KIAA0825: variants seen among roughly 807,000 people sequenced by gnomAD.
KIAA0825 encodes KIAA0825.
A neutral mutation model predicts 147.6 loss-of-function variants in KIAA0825; 119 were observed. The ratio of observed to expected loss-of-function variants is 0.81; its 90% confidence interval spans 0.69 to 0.94. The LOEUF (loss-of-function observed/expected upper bound fraction) is 0.94. Ranked by LOEUF, KIAA0825 falls within the 40% of genes least tolerant of loss-of-function variation. The pLI, the probability that KIAA0825 is intolerant of heterozygous loss-of-function variation, is 0.00. For synonymous variants in KIAA0825, 470 were observed against 518.1 expected (o/e 0.91, Z 1.26); for missense variants, 1,381 against 1,472.7 (o/e 0.94, Z 1.02).
chr5:94,343,426 C>T (rs187553360), intron 20 of KIAA0825, among the ~76,000 whole-genome samples: 27 of 152,252 alleles, frequency 1.8e-4, no homozygotes, highest in Admixed American at 1.7e-3. Context: ...TGTGGTGGCT[C>T]ACACCTGTAA....
intron 2 of KIAA0825, among the ~76,000 whole-genome samples, chr5:94,537,952 C>T (rs533524318): frequency 7.7e-4 from 117 of 152,264 alleles, no homozygotes; most frequent in African/African-American, 2.7e-3. Flanking sequence ...AGCATGGATA[C>T]CTAACTAAAA....
intron 12 of KIAA0825, among the ~76,000 whole-genome samples, chr5:94,457,853 T>C (rs1443737021): frequency 6.6e-6 from 1 of 152,146 alleles, no homozygotes; most frequent in African/African-American, 2.4e-5. Context: ...TAAACCTCCA[T>C]GACTAAATTA....
chr5:94,406,792 T>G (rs2150648114), intron 15 of KIAA0825, among the ~76,000 whole-genome samples: 1 of 152,294 alleles, frequency 6.6e-6, no homozygotes, highest in East Asian at 1.9e-4. Flanking sequence ...GCCATGGTAG[T>G]TATAAAAGCC....
intron 6 of KIAA0825, among the ~76,000 whole-genome samples, chr5:94,484,455 C>A (rs1207641360): frequency 1.3e-5 from 2 of 151,728 alleles, no homozygotes; most frequent in African/African-American, 2.4e-5. Flanking sequence ...AGATACTAGA[C>A]CACCCAGTCT....
At chr5:94,321,378 A>G (rs1780185210) in intron 20 of KIAA0825, among the ~76,000 whole-genome samples, 1 of 152,024 alleles carries the variant, frequency 6.6e-6, no homozygotes, top group Non-Finnish European at 1.5e-5. Context: ...TAAAGTGATT[A>G]CTTTGGGCCA....
At chr5:94,368,659 T>C (rs1386370237) in intron 20 of KIAA0825, among the ~76,000 whole-genome samples, 2 of 152,138 alleles carry the variant, frequency 1.3e-5, no homozygotes, top group African/African-American at 4.8e-5. Context: ...GTGTGAGAAA[T>C]GTTTAGAGGA....
rs182202586 is a variant in KIAA0825 at position 94,502,060 on chromosome 5, G to C, written c.971-17130C>G. 3.9e-5 allele frequency among the ~76,000 whole-genome samples: 6 copies of C among 152,288 alleles called. No individual in the cohort carries two copies. In the East Asian group the frequency reaches 9.6e-4, roughly 24 times the overall value. Reference sequence around the variant, plus strand: ...GGAATCTGTAGAATGTACATGTACAGTATGTGCATTATTGTGTAAGGGTAC... The same window carrying C: ...GGAATCTGTAGAATGTACATGTACACTATGTGCATTATTGTGTAAGGGTAC... On this transcript the variant is annotated intron_variant, in intron 5 of 20. Coordinates refer to ENST00000682413, the MANE Select transcript of KIAA0825 (RefSeq NM_001145678.3).
At chr5:94,464,615 T>C (rs919707725) in intron 11 of KIAA0825, among the ~76,000 whole-genome samples, 3 of 152,170 alleles carry the variant, frequency 2.0e-5, no homozygotes, top group Admixed American at 6.5e-5. Context: ...TCCTAGATTA[T>C]AGGACACCTT....
intron 20 of KIAA0825, among the ~76,000 whole-genome samples, chr5:94,229,001 C>T (rs1774454810): frequency 6.6e-6 from 1 of 152,180 alleles, no homozygotes; most frequent in African/African-American, 2.4e-5. Context: ...CATTTATAAC[C>T]CATTCACAGC....
At chr5:94,158,246 A>C (rs1767224147) in intron 20 of KIAA0825, among the ~76,000 whole-genome samples, 1 of 152,144 alleles carries the variant, frequency 6.6e-6, no homozygotes, top group Non-Finnish European at 1.5e-5. Context: ...ATCTCACTCA[A>C]TAATGTCAGA....
chr5:94,475,751 G>A (rs973550688), intron 7 of KIAA0825, among the ~76,000 whole-genome samples: 2 of 152,168 alleles, frequency 1.3e-5, no homozygotes, highest in Admixed American at 1.3e-4. Flanking sequence ...GGAGATTGCA[G>A]TGAGCTGAGA....
intron 8 of KIAA0825, 44 bp downstream of exon 8, chr5:94,473,248 C>T: frequency 2.1e-6 from 3 of 1,452,054 alleles, no homozygotes; most frequent in Non-Finnish European, 2.8e-6. Flanking sequence ...TAAAATAAAT[C>T]CCATCATGCC....
At chr5:94,574,498 C>G (rs1780598151) in intron 2 of KIAA0825, among the ~76,000 whole-genome samples, 1 of 125,778 alleles carries the variant, frequency 8.0e-6, no homozygotes, top group South Asian at 2.7e-4. Flanking sequence ...GAGCCAAGAT[C>G]ATGCCGTTGT....
intron 20 of KIAA0825, among the ~76,000 whole-genome samples, chr5:94,200,273 T>C (rs1181263127): frequency 6.6e-6 from 1 of 152,164 alleles, no homozygotes; most frequent in African/African-American, 2.4e-5. Flanking sequence ...ACACCAATTT[T>C]ACTCACCCCT....
chr5:94,311,668 T>C (rs1368259195), intron 20 of KIAA0825, among the ~76,000 whole-genome samples: 2 of 151,652 alleles, frequency 1.3e-5, no homozygotes, highest in African/African-American at 4.8e-5. Flanking sequence ...ATATAATTTC[T>C]ATTTGTCTCT....
chr5:94,437,445 A>G (rs1043170415), intron 14 of KIAA0825, among the ~76,000 whole-genome samples: 1 of 152,210 alleles, frequency 6.6e-6, no homozygotes, highest in Admixed American at 6.5e-5. Context: ...TTTGTTTAAA[A>G]TGATGGGTGT....
intron 2 of KIAA0825, among the ~76,000 whole-genome samples, chr5:94,537,710 T>A (rs1188998391): frequency 6.8e-6 from 1 of 147,940 alleles, no homozygotes; most frequent in East Asian, 2.0e-4. Flanking sequence ...TACTTAAGCA[T>A]CCTGCAGCTT....
chr5:94,151,716 A>G lies in KIAA0825; in HGVS notation c.*2291T>C, dbSNP rs973528264. 2.6e-5 allele frequency among the ~76,000 whole-genome samples: 4 copies of G among 152,220 alleles called. No homozygotes were observed. The highest frequency in any genetic ancestry group is 9.6e-5 in the African/African-American group (4 of 41,454). ...AGCAAAATTACTTCCCAGGATTAAT[A>G]CAGGAATATACGAATTCAATAATAA... On this transcript the variant is annotated 3_prime_UTR_variant, in exon 21 of 21. Coordinates refer to ENST00000682413, the MANE Select transcript of KIAA0825 (RefSeq NM_001145678.3).
intron 20 of KIAA0825, among the ~76,000 whole-genome samples, chr5:94,284,592 A>T (rs1021843222): frequency 6.6e-6 from 1 of 152,124 alleles, no homozygotes; most frequent in Non-Finnish European, 1.5e-5. Context: ...ACAAACTTGG[A>T]GCTTATCATT....
Sources: allele counts gnomAD v4.1 joint callset (sites outside exome capture counted in the v4.1 genomes callset), GRCh38; gene constraint gnomAD v4.1.1; transcripts MANE v1.5; gene names NCBI Gene and HGNC (gene_info 2026-07-23, HGNC 2026-07-21).